The following TRAPPC9 variants were observed in gnomAD, a reference collection of about 807,000 sequenced individuals.
TRAPPC9 encodes trafficking protein particle complex subunit 9.
TRAPPC9 carries 83 observed loss-of-function variants against 124.0 expected under a neutral mutation model. The observed-to-expected ratio is 0.67, with a 90% CI of 0.56 to 0.80. The LOEUF (loss-of-function observed/expected upper bound fraction) is 0.80. TRAPPC9 is among the 30% of genes least tolerant of loss of function. The probability of loss-of-function intolerance (pLI) is 0.00; values close to 1 mark genes in which losing one functional copy is unlikely to be tolerated. For synonymous variants in TRAPPC9, 638 were observed against 617.5 expected (o/e 1.03, Z -0.49); for missense variants, 1,302 against 1,508.3 (o/e 0.86, Z 2.27).
At position 139,896,400 on chromosome 8, in the gene TRAPPC9, C is replaced by T. The variant is rs188725485; in HGVS notation, c.2965-10431G>A. Among the ~76,000 whole-genome samples, 455 of 152,310 alleles carry T rather than the reference C, an allele frequency of 3.0e-3. 3 individuals are homozygous for T. The highest frequency in any genetic ancestry group is 9.9e-3 in the African/African-American group (412 of 41,572). ...TCCAAGGTGCTTGCTGTGAAGGATG[C>T]CCTGGGTAAGTGCTCAACACGCATC... is the stretch of plus-strand genomic sequence containing the variant. On this transcript the variant is annotated intron_variant, in intron 20 of 22. Coordinates refer to ENST00000438773, the MANE Select transcript of TRAPPC9 (RefSeq NM_001160372.4).
chr8:140,064,137 G>T (rs998807624), intron 17 of TRAPPC9, among the ~76,000 whole-genome samples: 2 of 151,854 alleles, frequency 1.3e-5, no homozygotes, highest in Non-Finnish European at 2.9e-5. Flanking sequence ...TTCCCAACTC[G>T]ACTGTTACAC....
chr8:140,355,246 T>A (rs1263775551), intron 9 of TRAPPC9, among the ~76,000 whole-genome samples: 2 of 152,202 alleles, frequency 1.3e-5, no homozygotes, highest in African/African-American at 4.8e-5. Context: ...ACGCAATTTA[T>A]ATCTAATGGA....
Position 139,953,733 on chromosome 8 carries a change from T to G in TRAPPC9, c.2810+34993A>C, listed in dbSNP as rs144097283. ...GACAAAACAAACAGCCCAACTTTATTTAAATAAAGGGCCTGAACACATACT... is the reference window on the plus strand; with the variant it reads ...GACAAAACAAACAGCCCAACTTTATGTAAATAAAGGGCCTGAACACATACT... On this transcript the variant is annotated intron_variant, in intron 19 of 22. Transcript: ENST00000438773. Among the ~76,000 whole-genome samples the G allele has an allele frequency of 3.3e-3, 496 of 152,252 alleles. 4 individuals are homozygous for G. The highest frequency in any genetic ancestry group is 0.011 in the African/African-American group (474 of 41,532).
chr8:139,848,383 C>G (rs1284520101), intron 21 of TRAPPC9, among the ~76,000 whole-genome samples: 1 of 152,162 alleles, frequency 6.6e-6, no homozygotes, highest in African/African-American at 2.4e-5. Context: ...CACATGCACA[C>G]AGATATCCAG....
chr8:139,882,923 T>C (rs899120925), intron 21 of TRAPPC9, among the ~76,000 whole-genome samples: 3 of 152,144 alleles, frequency 2.0e-5, no homozygotes, highest in Non-Finnish European at 2.9e-5. Flanking sequence ...CCAAACTACA[T>C]TTCCAAAAGA....
intron 21 of TRAPPC9, among the ~76,000 whole-genome samples, chr8:139,783,633 A>G (rs898491398): frequency 3.9e-5 from 6 of 152,244 alleles, no homozygotes; most frequent in Non-Finnish European, 8.8e-5. Context: ...ATCAGAGGGA[A>G]TATTTTCCAA....
intron 17 of TRAPPC9, among the ~76,000 whole-genome samples, chr8:140,049,535 C>T (rs552626564): frequency 6.6e-6 from 1 of 151,158 alleles, no homozygotes; most frequent in South Asian, 2.1e-4. Context: ...GAAGATAAAT[C>T]CTACAGGGCT....
intron 19 of TRAPPC9, among the ~76,000 whole-genome samples, chr8:139,912,237 G>A (rs1275513714): frequency 6.6e-6 from 1 of 152,028 alleles, no homozygotes; most frequent in Non-Finnish European, 1.5e-5. Flanking sequence ...TATAAATCAT[G>A]ATGTATCATA....
rs1587520018 is a variant in TRAPPC9 at position 140,024,081 on chromosome 8, T to G, written c.2557-2A>C. 1.2e-6 allele frequency: 2 copies of G among 1,613,152 alleles called. No homozygotes were observed. The highest frequency in any genetic ancestry group is 1.7e-6 in the Non-Finnish European group (2 of 1,179,880). ...GAAATTCAGGACAGCTTCCAGGGTC[T>G]AAAAGATATTAAAAAAAAAAATACA... On this transcript the variant is annotated splice_acceptor_variant, in intron 17 of 22. Coordinates refer to ENST00000438773, the MANE Select transcript of TRAPPC9 (RefSeq NM_001160372.4). LOFTEE classifies it high-confidence loss of function.
intron 5 of TRAPPC9, among the ~76,000 whole-genome samples, chr8:140,407,157 G>A (rs1258006527): frequency 6.6e-6 from 1 of 152,196 alleles, no homozygotes; most frequent in Admixed American, 6.5e-5. Flanking sequence ...TGCAGGGGAG[G>A]AGACAAGATC....
At chr8:139,857,661 G>T (rs374571105) in intron 21 of TRAPPC9, among the ~76,000 whole-genome samples, 3 of 152,306 alleles carry the variant, frequency 2.0e-5, no homozygotes, top group African/African-American at 7.2e-5. Flanking sequence ...GCATGGGGCC[G>T]TCTGACCACC....
intron 9 of TRAPPC9, among the ~76,000 whole-genome samples, chr8:140,344,458 A>C (rs1359003478): frequency 1.3e-5 from 2 of 152,178 alleles, no homozygotes; most frequent in Admixed American, 1.3e-4. Context: ...CCCCTGTCAC[A>C]CAGTGCTCCA....
intron 9 of TRAPPC9, among the ~76,000 whole-genome samples, chr8:140,335,154 C>G (rs2067001107): frequency 6.6e-6 from 1 of 152,086 alleles, no homozygotes; most frequent in African/African-American, 2.4e-5. Context: ...AGGGTAGACA[C>G]TGCAGATTCT....
chr8:139,988,423 C>G (rs116209059), intron 19 of TRAPPC9, among the ~76,000 whole-genome samples: 78 of 152,202 alleles, frequency 5.1e-4, no homozygotes, highest in African/African-American at 1.9e-3. Context: ...CCAGATACCA[C>G]TTTCTCAAGA....
intron 5 of TRAPPC9, among the ~76,000 whole-genome samples, chr8:140,414,137 C>T (rs571844789): frequency 2.0e-5 from 3 of 151,868 alleles, no homozygotes; most frequent in Admixed American, 2.0e-4. Flanking sequence ...GGGAAATTGA[C>T]CCAAGAAGAA....
At chr8:140,112,019 A>G (rs117428627) in intron 17 of TRAPPC9, among the ~76,000 whole-genome samples, 117 of 152,384 alleles carry the variant, frequency 7.7e-4, no homozygotes, top group Admixed American at 3.7e-3. Context: ...CTTTCTCCAG[A>G]AAAGAACATC....
At chr8:140,050,854 C>T (rs1035973785) in intron 17 of TRAPPC9, among the ~76,000 whole-genome samples, 5 of 152,186 alleles carry the variant, frequency 3.3e-5, no homozygotes, top group African/African-American at 1.2e-4. Flanking sequence ...TGGGGGGCCA[C>T]ACAGCCCTGC....
chr8:140,311,118 A>T, intron 10 of TRAPPC9, 130 bp downstream of exon 10: 1 of 1,089,408 alleles, frequency 9.2e-7, no homozygotes, highest in Non-Finnish European at 1.3e-6. Context: ...TTTCAAGTTT[A>T]ATGAGATAAT....
chr8:139,797,188 T>G (rs958337032), intron 21 of TRAPPC9, among the ~76,000 whole-genome samples: 2 of 152,196 alleles, frequency 1.3e-5, no homozygotes, highest in African/African-American at 4.8e-5. Flanking sequence ...TTTTAATCCA[T>G]CCGGTGTGTT....
Sources: allele counts gnomAD v4.1 joint callset (sites outside exome capture counted in the v4.1 genomes callset), GRCh38; gene constraint gnomAD v4.1.1; transcripts MANE v1.5; gene names NCBI Gene and HGNC (gene_info 2026-07-23, HGNC 2026-07-21).